The following C4orf50 variants were observed in gnomAD, a reference collection of about 807,000 sequenced individuals.
C4orf50 encodes the protein uncharacterized protein C4orf50.
A neutral mutation model predicts 77.2 loss-of-function variants in C4orf50; 80 were observed. The observed-to-expected ratio is 1.04, with a 90% CI of 0.87 to 1.25. C4orf50 has a LOEUF of 1.25. Among genes scored for constraint, C4orf50 ranks in the 50% most tolerant of loss-of-function variants. C4orf50 has a pLI of 0.00. For synonymous variants in C4orf50, 532 were observed against 465.3 expected (o/e 1.14, Z -1.84); for missense variants, 1,257 against 1,152.9 (o/e 1.09, Z -1.31).
intron 7 of C4orf50, among the ~76,000 whole-genome samples, chr4:5,930,448 T>C (rs1173206017): frequency 6.6e-6 from 1 of 152,198 alleles, no homozygotes; most frequent in Non-Finnish European, 1.5e-5. Flanking sequence ...CCAGACTTTT[T>C]TGAACCCCTT....
rs1454962455 is a variant in C4orf50, at chr4:6,008,372, C to A, written c.587G>T (p.Arg196Leu). The A allele has an allele frequency of 4.6e-5, 18 of 392,552 alleles. No homozygotes were observed. The highest frequency in any genetic ancestry group is 6.3e-5 in the Non-Finnish European group (14 of 222,306). 24.3% of individuals were successfully genotyped at this position (392,552 alleles called of 1,614,324 possible). A position where few individuals can be genotyped will look rare whatever the true frequency, so the allele number is the denominator to read the frequency against. The change falls in exon 25 of 34, where the codon CGC becomes CTC. Residue 196 changes from arginine to leucine, a missense_variant. By Grantham distance (102) the Arg-to-Leu change is moderately radical. Transcript: ENST00000531445. This position sits in a 1 kb window ranked among gnomAD's most constrained non-coding sequence, Gnocchi z 6.0. ...CCGCTGCACCTGCTCCCGCAGGACG[C>A]GCTCCTGCTCCCGCACCAGGCCCAG...
chr4:5,923,355 T>G (rs929293396), intron 7 of C4orf50: 1 of 154,208 alleles, frequency 6.5e-6, no homozygotes, highest in African/African-American at 2.4e-5. Context: ...GAGTGTGAAC[T>G]CTGGACCAAG....
exon 28 of C4orf50, chr4:5,988,473 G>A (rs748438175): frequency 6.4e-7 from 1 of 1,562,320 alleles, no homozygotes. Flanking sequence ...GCAGGGCATT[G>A]GCTACACCAG....
chr4:5,917,082 C>A (rs1022799925), intron 7 of C4orf50, among the ~76,000 whole-genome samples: 3 of 152,178 alleles, frequency 2.0e-5, no homozygotes, highest in African/African-American at 4.8e-5. Context: ...GCCTACGCTA[C>A]CAGAGGCCCC....
At chr4:6,014,492 G>A (rs1217279808) in intron 23 of C4orf50, among the ~76,000 whole-genome samples, 1 of 152,196 alleles carries the variant, frequency 6.6e-6, no homozygotes, top group Non-Finnish European at 1.5e-5. Flanking sequence ...TAGCAAAGCT[G>A]TTATATTATT....
intron 33 of C4orf50, among the ~76,000 whole-genome samples, chr4:5,961,629 AG>A (rs1336589356): frequency 6.6e-6 from 1 of 152,216 alleles, no homozygotes; most frequent in Non-Finnish European, 1.5e-5. Context: ...ATTTGAACCC[AG>A]GCCATACGGC....
exon 28 of C4orf50, chr4:5,989,832 G>A (rs749842497): frequency 4.1e-5 from 60 of 1,473,068 alleles, no homozygotes; most frequent in South Asian, 8.1e-5. Context: ...ACCCCAGACC[G>A]GATGCTTCTT....
chr4:5,963,748 G>A (rs934306952), intron 33 of C4orf50, among the ~76,000 whole-genome samples: 2 of 152,168 alleles, frequency 1.3e-5, no homozygotes, highest in Non-Finnish European at 2.9e-5. Flanking sequence ...GATGTGCCAG[G>A]CACACACTCA....
Position 5,932,525 on chromosome 4 carries a change from T to C in C4orf50, c.*2474+24376A>G, listed in dbSNP as rs1717812873. Among the ~76,000 whole-genome samples, 1 of 152,174 alleles carries C rather than the reference T, an allele frequency of 6.6e-6. No individual in the cohort carries two copies. The highest frequency in any genetic ancestry group is 1.5e-5 in the Non-Finnish European group (1 of 68,028). Reference sequence around the variant, plus strand: ...ATCACAGTTCACTGCAGCCTCGACCTCCCAGGCTCAATTGATCCTCCCGCC... The same window carrying C: ...ATCACAGTTCACTGCAGCCTCGACCCCCCAGGCTCAATTGATCCTCCCGCC... On this transcript the variant is annotated intron_variant, in intron 7 of 7. Transcript: ENST00000324058. The surrounding 1 kb of genome is among the most constrained non-coding windows in gnomAD (Gnocchi z 4.2).
chr4:5,988,371 C>T (rs752642320), exon 28 of C4orf50: 3 of 1,614,040 alleles, frequency 1.9e-6, no homozygotes, highest in Admixed American at 1.7e-5. Flanking sequence ...TCAGGGAGCT[C>T]AGAGCTTGCC....
Position 6,011,434 on chromosome 4 carries a change from C to T in C4orf50, c.426+396G>A, listed in dbSNP as rs987418196. ...GTAGCTCTCCTCAACTCCCCTAGCC[C>T]CCTGAACACACGCCATGGGGGATCG... On this transcript the variant is annotated intron_variant, in intron 24 of 33. Transcript: ENST00000531445. This position sits in a 1 kb window ranked among gnomAD's most constrained non-coding sequence, Gnocchi z 4.2. Among the ~76,000 whole-genome samples, 2 of 152,102 alleles carry T rather than the reference C, an allele frequency of 1.3e-5. No homozygotes were observed. Among genetic ancestry groups the T allele is most frequent in the South Asian group, 4.1e-4 (2 of 4,826 alleles).
Position 5,992,722 on chromosome 4 carries a change from T to C in C4orf50, c.1221+81A>G, listed in dbSNP as rs940749435. 37 of 397,546 alleles carry C rather than the reference T, an allele frequency of 9.3e-5. No homozygotes were observed. The highest frequency in any genetic ancestry group is 1.4e-4 in the Non-Finnish European group (31 of 225,332). The allele number at this position is 397,546 out of a possible 1,614,324, so 24.6% of individuals were successfully genotyped here. ...TTCTTTACCCCTCCCACATCCTGCG[T>C]GTGGCCACATAGCCTGCATGAGGCA... On this transcript the variant is annotated intron_variant, in intron 27 of 33. Coordinates refer to ENST00000531445, the Ensembl canonical transcript of C4orf50. This position sits in a 1 kb window ranked among gnomAD's most constrained non-coding sequence, Gnocchi z 5.0.
chr4:5,965,657 CAA>C (rs1719525377), intron 32 of C4orf50, among the ~76,000 whole-genome samples: 1 of 152,148 alleles, frequency 6.6e-6, no homozygotes, highest in Non-Finnish European at 1.5e-5. Flanking sequence ...TGTGCCTCTC[CAA>C]CTGTGAGAAC....
In C4orf50 at chr4:5,965,159, T is replaced by C; in HGVS notation, c.4154-14A>G. 6.2e-7 allele frequency: 1 copy of C among 1,610,398 alleles called. No homozygotes were observed. The highest frequency in any genetic ancestry group is 8.5e-7 in the Non-Finnish European group (1 of 1,178,400). On this transcript the variant is annotated splice_polypyrimidine_tract_variant and intron_variant, in intron 32 of 33. Coordinates refer to ENST00000531445, the Ensembl canonical transcript of C4orf50. Reference sequence around the variant, plus strand: ...GGTATGTCTGAGCTGGAAGGGAAAATTCTCAGTCAAGCCTCCACCCAGGAA... The same window carrying C: ...GGTATGTCTGAGCTGGAAGGGAAAACTCTCAGTCAAGCCTCCACCCAGGAA...
At chr4:5,972,008 ATTTTTTT>A (rs33971925) in intron 31 of C4orf50, among the ~76,000 whole-genome samples, 1 of 140,116 alleles carries the variant, frequency 7.1e-6, no homozygotes, top group African/African-American at 2.6e-5. Flanking sequence ...TCTGCTTTCG[ATTTTTTT>A]TTTTTTTTTT....
chr4:6,013,725 G>A (rs1011907117), intron 23 of C4orf50, among the ~76,000 whole-genome samples: 1 of 152,166 alleles, frequency 6.6e-6, no homozygotes, highest in Non-Finnish European at 1.5e-5. Context: ...TCCAAAGATG[G>A]AGGCGGGACC....
chr4:6,011,043 C>A lies in C4orf50; in HGVS notation c.426+787G>T, dbSNP rs1722474252. 6.6e-6 allele frequency among the ~76,000 whole-genome samples: 1 copy of A among 152,192 alleles called. No homozygotes were observed. Among genetic ancestry groups the A allele is most frequent in the Non-Finnish European group, 1.5e-5 (1 of 68,018 alleles). On this transcript the variant is annotated intron_variant, in intron 24 of 33. Coordinates refer to ENST00000531445, the Ensembl canonical transcript of C4orf50. The surrounding 1 kb of genome is among the most constrained non-coding windows in gnomAD (Gnocchi z 4.2). ...GGCAGAGCCAGGGTTTGGCTCCAGG[C>A]CTCTGCCTCCAGAGCCCCCCACCCT...
At chr4:5,971,100 C>T (rs1202139155) in intron 31 of C4orf50, among the ~76,000 whole-genome samples, 4 of 152,194 alleles carry the variant, frequency 2.6e-5, no homozygotes, top group African/African-American at 4.8e-5. Flanking sequence ...AGCCCTCCAC[C>T]GCCTGGCTGA....
Position 5,958,800 on chromosome 4 carries a change from A to T in C4orf50, c.*575T>A, listed in dbSNP as rs1719110109. 1 of 152,364 alleles carries T rather than the reference A, an allele frequency of 6.6e-6. No individual in the cohort carries two copies. Among genetic ancestry groups the T allele is most frequent in the Non-Finnish European group, 1.5e-5 (1 of 68,184 alleles). 9.4% of individuals were successfully genotyped at this position (152,364 alleles called of 1,614,324 possible). A position where few individuals can be genotyped will look rare whatever the true frequency, so the allele number is the denominator to read the frequency against. ...TAGGCGTTTCACTTAGTAGACAAAA[A>T]ATCTTTTAAAACATGGGAAGGACCC... On this transcript the variant is annotated 3_prime_UTR_variant, in exon 34 of 34. Coordinates refer to ENST00000531445, the Ensembl canonical transcript of C4orf50. This position sits in a 1 kb window ranked among gnomAD's most constrained non-coding sequence, Gnocchi z 5.4.
Sources: allele counts gnomAD v4.1 joint callset (sites outside exome capture counted in the v4.1 genomes callset), GRCh38; gene constraint gnomAD v4.1.1; non-coding constraint Gnocchi (gnomAD v3.1); transcripts MANE v1.5; gene names NCBI Gene and HGNC (gene_info 2026-07-23, HGNC 2026-07-21).